Variants in DNAH9 observed in about 807,000 individuals in gnomAD.
The protein encoded by DNAH9 is DNAH9 variant protein.
Under a neutral mutation model 471.6 loss-of-function variants are expected in DNAH9, and 345 were observed. That is an observed-to-expected ratio of 0.73 (90% CI 0.67 to 0.80). The LOEUF (loss-of-function observed/expected upper bound fraction) is 0.80, where lower values mean the gene tolerates loss of function less well. DNAH9 is among the 30% of genes least tolerant of loss of function. DNAH9 has a pLI of 0.00. For synonymous variants in DNAH9, 2,093 were observed against 2,123.6 expected, an observed-to-expected ratio of 0.99 and a Z score of 0.40; for missense variants, 5,407 against 5,609.2, an observed-to-expected ratio of 0.96 and a Z score of 1.15.
In DNAH9 at chr17:11,730,427, G is replaced by A. The variant is rs139611457; in HGVS notation, c.5814+2505G>A. Among the ~76,000 whole-genome samples the A allele has an allele frequency of 4.6e-5, 7 of 152,260 alleles. No homozygotes were observed. In the East Asian group the frequency reaches 5.8e-4, roughly 13 times the overall value. On this transcript the variant is annotated intron_variant, in intron 28 of 68. Transcript: ENST00000262442. ...AGCTGAGTGTTGCCAGATCTTTTAC[G>A]TTTTAAAGAGAGACCGGACATCCAG...
At chr17:11,607,977 C>T (rs543893858) in intron 1 of DNAH9, 152 bp from the exon 2 acceptor site, 29 of 561,450 alleles carry the variant, frequency 5.2e-5, no homozygotes, top group East Asian at 3.1e-4. Flanking sequence ...ATGTCAAGGT[C>T]GTATGTAATG....
chr17:11,805,596 G>A (rs961358660), intron 43 of DNAH9, among the ~76,000 whole-genome samples: 6 of 126,380 alleles, frequency 4.7e-5, no homozygotes, highest in Admixed American at 9.5e-5. Flanking sequence ...CATCCAGACT[G>A]GAGTGCAGTG....
At chr17:11,898,726 G>GT (rs1973302667) in intron 59 of DNAH9, among the ~76,000 whole-genome samples, 1 of 152,188 alleles carries the variant, frequency 6.6e-6, no homozygotes, top group South Asian at 2.1e-4. Flanking sequence ...ACCAAGTCCA[G>GT]TTGCCTCTGT....
At chr17:11,882,309 C>T (rs893962001) in intron 55 of DNAH9, among the ~76,000 whole-genome samples, 1 of 152,204 alleles carries the variant, frequency 6.6e-6, no homozygotes, top group African/African-American at 2.4e-5. Flanking sequence ...ACCTTAATTA[C>T]CTCCTTAAAG....
Position 11,738,907 on chromosome 17 carries a change from G to GA in DNAH9, c.5843dup (p.Asp1948GlufsTer2), listed in dbSNP as rs1567763081. The GA allele has an allele frequency of 6.2e-7, 1 of 1,614,152 alleles. No individual in the cohort carries two copies. Among genetic ancestry groups the GA allele is most frequent in the East Asian group, 2.2e-5 (1 of 44,878 alleles). On this transcript the variant is annotated frameshift_variant, in exon 29 of 69. Coordinates refer to ENST00000262442, the MANE Select transcript of DNAH9 (RefSeq NM_001372.4). LOFTEE classifies it high-confidence loss of function. ...AAAAAGCATTCAAGATGCGATTAGA[G>GA]ATAAGAAGCAGTGGTTCAGCTTCCT...
rs16945431 is a variant in DNAH9, at chr17:11,891,841, G to A, written c.11177G>A (p.Arg3726Gln). The A allele has an allele frequency of 4.0e-3, 6,439 of 1,614,046 alleles. 234 individuals carry two copies. In the African/African-American group the frequency reaches 0.075, roughly 19 times the overall value. Residue 3726 changes from arginine (R) to glutamine (Q), a missense_variant, in exon 58 of 69, where the codon CGG becomes CAG. This residue lies in a region of DNAH9 where 4,636 missense variants were observed against 4,900.3 expected (regional missense o/e 0.95). Coordinates refer to ENST00000262442, the MANE Select transcript of DNAH9 (RefSeq NM_001372.4). ...GCTCCTGACGAAAGCCTCAGGGAGC[G>A]GGTGGCCAACCTAATAGACAGCATA... ...RAAPDESLRERVANLIDSITF... is the reference protein window; with the variant it reads ...RAAPDESLREQVANLIDSITF...
intron 61 of DNAH9, among the ~76,000 whole-genome samples, chr17:11,917,373 T>C (rs62061970): frequency 0.17 from 25,449 of 152,064 alleles, 2,303 homozygotes; most frequent in African/African-American, 0.21. Flanking sequence ...GCCAGGCTGG[T>C]CTGGGACTCC....
intron 59 of DNAH9, among the ~76,000 whole-genome samples, chr17:11,901,188 C>T (rs1973399296): frequency 6.6e-6 from 1 of 152,066 alleles, no homozygotes; most frequent in Non-Finnish European, 1.5e-5. Context: ...GTACAACTTC[C>T]CTCCAGCACC....
At chr17:11,693,783 T>G in intron 20 of DNAH9, 85 bp from the exon 21 acceptor site, 2 of 1,452,912 alleles carry the variant, frequency 1.4e-6, no homozygotes, top group Non-Finnish European at 1.9e-6. Flanking sequence ...CAGGAACAAG[T>G]TTCTGCTTCT....
chr17:11,824,400 C>A (rs1970417367), intron 48 of DNAH9, among the ~76,000 whole-genome samples: 1 of 152,106 alleles, frequency 6.6e-6, no homozygotes, highest in Non-Finnish European at 1.5e-5. Flanking sequence ...GCAGTGAGCC[C>A]TCGCAATCTG....
chr17:11,617,127 A>G (rs1369500205), intron 4 of DNAH9, among the ~76,000 whole-genome samples: 1 of 152,196 alleles, frequency 6.6e-6, no homozygotes, highest in Non-Finnish European at 1.5e-5. Flanking sequence ...GCAGCAAAGT[A>G]ATTGGCAAAT....
intron 51 of DNAH9, 33 bp from the exon 52 acceptor site, chr17:11,871,565 G>T: frequency 6.2e-7 from 1 of 1,601,028 alleles, no homozygotes; most frequent in Admixed American, 1.7e-5. Context: ...TGTGTAACAC[G>T]CCTCCTCTCC....
chr17:11,642,836 A>G (rs1409007470), intron 10 of DNAH9, among the ~76,000 whole-genome samples: 1 of 151,708 alleles, frequency 6.6e-6, no homozygotes, highest in Non-Finnish European at 1.5e-5. Context: ...AGCATATTCT[A>G]CCTCTCCTTG....
chr17:11,613,983 T>G (rs796537446), intron 4 of DNAH9, among the ~76,000 whole-genome samples: 3 of 152,336 alleles, frequency 2.0e-5, no homozygotes, highest in African/African-American at 7.2e-5. Context: ...AAAAGTTATT[T>G]GCAGTAGAGT....
intron 14 of DNAH9, among the ~76,000 whole-genome samples, chr17:11,656,214 A>T (rs898415493): frequency 1.3e-5 from 2 of 152,042 alleles, no homozygotes; most frequent in Non-Finnish European, 2.9e-5. Flanking sequence ...CATCACATCC[A>T]CGCCAACATC....
At chr17:11,807,000 G>T (rs1969711707) in intron 43 of DNAH9, among the ~76,000 whole-genome samples, 1 of 152,134 alleles carries the variant, frequency 6.6e-6, no homozygotes, top group Admixed American at 6.5e-5. Flanking sequence ...TTCCTCTGAA[G>T]AAGATGAGGT....
intron 45 of DNAH9, among the ~76,000 whole-genome samples, chr17:11,821,448 T>G (rs908060224): frequency 6.6e-6 from 1 of 152,166 alleles, no homozygotes; most frequent in Non-Finnish European, 1.5e-5. Flanking sequence ...TTTCTCCCCT[T>G]TTTCTCTCAT....
intron 50 of DNAH9, among the ~76,000 whole-genome samples, chr17:11,860,812 C>A (rs954524145): frequency 6.6e-6 from 1 of 152,146 alleles, no homozygotes; most frequent in Non-Finnish European, 1.5e-5. Context: ...CTGCCCGCCT[C>A]GGCCTCTCAA....
intron 56 of DNAH9, among the ~76,000 whole-genome samples, chr17:11,885,290 G>A (rs1462382424): frequency 6.6e-6 from 1 of 152,202 alleles, no homozygotes; most frequent in Non-Finnish European, 1.5e-5. Flanking sequence ...AGAGGGAGGA[G>A]GTGCTTCCCT....
Sources: allele counts gnomAD v4.1 joint callset (sites outside exome capture counted in the v4.1 genomes callset), GRCh38; gene constraint gnomAD v4.1.1; regional missense constraint gnomAD v4.1.1; transcripts MANE v1.5; gene names NCBI Gene and HGNC (gene_info 2026-07-23, HGNC 2026-07-21).